The following NRK variants were observed in gnomAD, a reference collection of about 807,000 sequenced individuals.
NRK encodes the protein Nik related kinase.
Under a neutral mutation model 125.2 loss-of-function variants are expected in NRK, and 67 were observed. That is an observed-to-expected ratio of 0.54 (90% CI 0.44 to 0.66). The LOEUF is 0.66. Among genes scored for constraint, NRK ranks in the 30% least tolerant of loss-of-function variants. The probability of loss-of-function intolerance (pLI) is 0.00; values close to 1 mark genes in which losing one functional copy is unlikely to be tolerated. For synonymous variants in NRK, 458 were observed against 429.0 expected, an observed-to-expected ratio of 1.07 and a Z score of -0.84; for missense variants, 1,224 against 1,192.9, an observed-to-expected ratio of 1.03 and a Z score of -0.38.
At chrX:105,928,882 G>A (rs1380613396) in intron 19 of NRK, among the ~76,000 whole-genome samples, 2 of 111,599 alleles carry the variant, frequency 1.8e-5, no homozygotes, top group Admixed American at 1.9e-4. Context: ...AATGTTTTGA[G>A]ACTTGTTTTG....
rs1297242 is a variant in NRK, at chrX:105,848,286, G to A, written c.123+17167G>A. On this transcript the variant is annotated intron_variant, in intron 2 of 28. Coordinates refer to ENST00000243300, the MANE Select transcript of NRK (RefSeq NM_198465.4). The stretch of plus-strand genomic sequence containing the variant: ...CTATAGAAATAACACGTCCTTCTCC[G>A]TCCCTAACTCACTCCCACTCACTCA... 5.1e-3 allele frequency among the ~76,000 whole-genome samples: 564 copies of A among 110,009 alleles called. 6 individuals are homozygous for A. The highest frequency in any genetic ancestry group is 0.018 in the African/African-American group (533 of 30,103).
At chrX:105,883,875 C>T (rs2039912205) in intron 4 of NRK, among the ~76,000 whole-genome samples, 1 of 112,937 alleles carries the variant, frequency 8.9e-6, no homozygotes, top group Admixed American at 9.4e-5. Flanking sequence ...TCTATAATAG[C>T]TAGTCCCTGT....
At chrX:105,919,458 A>C (rs189037125) in intron 16 of NRK, among the ~76,000 whole-genome samples, 1 of 111,943 alleles carries the variant, frequency 8.9e-6, no homozygotes, top group Admixed American at 9.5e-5. Context: ...TGTAGCTATT[A>C]AAATAAAAAG....
At chrX:105,946,573 C>A in intron 26 of NRK, 109 bp downstream of exon 26, 1 of 558,981 alleles carries the variant, frequency 1.8e-6, no homozygotes, top group Middle Eastern at 5.1e-4. Flanking sequence ...ATGTCTATAC[C>A]GGAACTGAGA....
chrX:105,899,829 G>A (rs961635892), intron 8 of NRK, among the ~76,000 whole-genome samples: 3 of 110,473 alleles, frequency 2.7e-5, no homozygotes, highest in East Asian at 2.9e-4. Context: ...TTAGCCAGGC[G>A]TGGTGGCAGG....
intron 2 of NRK, among the ~76,000 whole-genome samples, chrX:105,848,380 TAGGA>T (rs2039428130): frequency 8.9e-6 from 1 of 112,235 alleles, no homozygotes; most frequent in African/African-American, 3.2e-5. Context: ...TACTTCTTTC[TAGGA>T]ATCTGAAGGT....
chrX:105,908,875 G>A lies in NRK; in HGVS notation c.1234G>A (p.Ala412Thr), dbSNP rs200574475. Reference sequence around the variant, plus strand: ...CCAGGCACTTCAGCAGCTACAGGGAGCAGCCAGGGTATTCATGCCACTGCA... The same window carrying A: ...CCAGGCACTTCAGCAGCTACAGGGAACAGCCAGGGTATTCATGCCACTGCA... ...QVQALQQLQG[A>T]ARVFMPLQAL... Residue 412 changes from alanine to threonine, a missense_variant, in exon 13 of 29, where the codon GCA (alanine) becomes ACA (threonine). Transcript: ENST00000243300. 6.9e-5 allele frequency: 84 copies of A among 1,208,703 alleles called. No homozygotes were observed. The African/African-American group carries it at 1.4e-3, about 20-fold the overall frequency.
At chrX:105,911,449 T>C (rs2040300660) in intron 13 of NRK, among the ~76,000 whole-genome samples, 1 of 111,833 alleles carries the variant, frequency 8.9e-6, no homozygotes, top group African/African-American at 3.2e-5. Context: ...ATTTACCCAA[T>C]AATAATCATT....
intron 18 of NRK, among the ~76,000 whole-genome samples, chrX:105,923,891 CTATA>C (rs1204761152): frequency 0.036 from 1,740 of 47,791 alleles, 47 homozygotes; most frequent in African/African-American, 0.079. Context: ...TGTGATATCA[CTATA>C]TATATATATA....
intron 15 of NRK, among the ~76,000 whole-genome samples, chrX:105,917,298 A>G (rs2040378359): frequency 9.0e-6 from 1 of 111,026 alleles, no homozygotes; most frequent in African/African-American, 3.3e-5. Context: ...TTAGCTTTAA[A>G]AGCTTATAGA....
At chrX:105,953,437 A>G (rs904586564) in intron 28 of NRK, among the ~76,000 whole-genome samples, 4 of 112,433 alleles carry the variant, frequency 3.6e-5, no homozygotes, top group Non-Finnish European at 7.5e-5. Context: ...AAGCTTAGCC[A>G]TTATTTTATT....
At chrX:105,924,204 C>T (rs2040492617) in intron 18 of NRK, among the ~76,000 whole-genome samples, 1 of 109,186 alleles carries the variant, frequency 9.2e-6, no homozygotes, top group African/African-American at 3.3e-5. Flanking sequence ...GAGTAGTAGA[C>T]CAATGGAGTT....
At chrX:105,857,183 T>C (rs1275932525) in intron 2 of NRK, among the ~76,000 whole-genome samples, 1 of 111,754 alleles carries the variant, frequency 8.9e-6, no homozygotes, top group East Asian at 2.8e-4. Flanking sequence ...TCTATTCTAC[T>C]ATTAAGAAAA....
At chrX:105,861,590 G>T (rs1319964524) in intron 2 of NRK, among the ~76,000 whole-genome samples, 1 of 111,843 alleles carries the variant, frequency 8.9e-6, no homozygotes, top group Non-Finnish European at 1.9e-5. Context: ...TTGTTTTGCA[G>T]TTTGCCCCAG....
intron 2 of NRK, among the ~76,000 whole-genome samples, chrX:105,837,171 G>A (rs750748905): frequency 9.0e-6 from 1 of 111,173 alleles, no homozygotes; most frequent in Non-Finnish European, 1.9e-5. Context: ...GTGAATTAAC[G>A]ATTAGAATAG....
intron 19 of NRK, among the ~76,000 whole-genome samples, chrX:105,930,957 T>G (rs1158707509): frequency 1.8e-5 from 2 of 111,585 alleles, no homozygotes; most frequent in Non-Finnish European, 1.9e-5. Context: ...GCACATGCGG[T>G]GGGTTGGGTG....
chrX:105,933,515 G>C (rs1018908796), intron 19 of NRK, among the ~76,000 whole-genome samples: 2 of 111,473 alleles, frequency 1.8e-5, no homozygotes, highest in Non-Finnish European at 3.8e-5. Context: ...CACAGGACAG[G>C]GCATACCACA....
In NRK at chrX:105,912,744, A is replaced by G; in HGVS notation, c.2338A>G (p.Lys780Glu). The change falls in exon 14 of 29, where the codon AAA becomes GAA. Residue 780 changes from lysine (K) to glutamate (E), a missense_variant. Lys to Glu is a moderately conservative substitution (Grantham distance 56). Transcript: ENST00000243300. ...EPLKPYISNP[K>E]KIEVQERSPS... ...ATTGAAGCCATACATTTCAAATCCT[A>G]AAAAAATTGAGGTAAATTTTTCAAT... is the stretch of plus-strand genomic sequence containing the variant. 1 of 1,041,986 alleles carries G rather than the reference A, an allele frequency of 9.6e-7. No homozygotes were observed. The highest frequency in any genetic ancestry group is 1.3e-6 in the Non-Finnish European group (1 of 770,332). 85.9% of individuals were successfully genotyped at this position (1,041,986 alleles called of 1,213,427 possible).
chrX:105,909,121 C>T lies in NRK; in HGVS notation c.1480C>T (p.Gln494Ter). The change falls in exon 13 of 29, where the codon CAG (glutamine) becomes TAG (stop). Residue 494 changes from glutamine to a stop codon, truncating the protein, a stop_gained. Transcript: ENST00000243300. LOFTEE classifies it high-confidence loss of function. ...TAGGGCACCTAGGCTTCTGCAGGTACAGTCCCAGGTATCCAAAAAGCAGCA... is the reference window on the plus strand; with the variant it reads ...TAGGGCACCTAGGCTTCTGCAGGTATAGTCCCAGGTATCCAAAAAGCAGCA... ...QVRAPRLLQV[Q>*]SQVSKKQQAQ... The T allele has an allele frequency of 8.3e-7, 1 of 1,211,274 alleles. No individual in the cohort carries two copies. Among genetic ancestry groups the T allele is most frequent in the Non-Finnish European group, 1.1e-6 (1 of 895,070 alleles).
Sources: allele counts gnomAD v4.1 joint callset (sites outside exome capture counted in the v4.1 genomes callset), GRCh38; gene constraint gnomAD v4.1.1; transcripts MANE v1.5; gene names NCBI Gene and HGNC (gene_info 2026-07-23, HGNC 2026-07-21).